CNTN4: variants seen among roughly 807,000 people sequenced by gnomAD.
CNTN4 encodes contactin 4.
Under a neutral mutation model 122.5 loss-of-function variants are expected in CNTN4, and 77 were observed. The observed-to-expected ratio is 0.63, with a 90% CI of 0.52 to 0.76. The LOEUF (loss-of-function observed/expected upper bound fraction) is 0.76. Ranked by LOEUF, CNTN4 falls within the 30% of genes least tolerant of loss-of-function variation. CNTN4 has a pLI of 0.00. For synonymous variants in CNTN4, 512 were observed against 447.0 expected, an observed-to-expected ratio of 1.15 and a Z score of -1.83; for missense variants, 1,256 against 1,259.1, an observed-to-expected ratio of 1.00 and a Z score of 0.04.
chr3:2,738,717 G>T (rs2089284282), intron 5 of CNTN4, among the ~76,000 whole-genome samples: 1 of 152,012 alleles, frequency 6.6e-6, no homozygotes, highest in South Asian at 2.1e-4. Context: ...TATGGTTAAA[G>T]AAATAAAATT....
At chr3:2,362,473 C>T (rs937890887) in intron 3 of CNTN4, 8 of 468,298 alleles carry the variant, frequency 1.7e-5, no homozygotes, top group African/African-American at 1.6e-4. Context: ...TGAGGACTAG[C>T]AGTGTCTTGT....
chr3:2,255,146 C>G (rs1033471295), intron 2 of CNTN4, among the ~76,000 whole-genome samples: 4 of 152,158 alleles, frequency 2.6e-5, no homozygotes, highest in Non-Finnish European at 5.9e-5. Context: ...GTAGGGAATC[C>G]TTTCTCCATT....
chr3:2,694,692 G>T (rs898260471), intron 4 of CNTN4, among the ~76,000 whole-genome samples: 1 of 152,140 alleles, frequency 6.6e-6, no homozygotes, highest in Non-Finnish European at 1.5e-5. Context: ...TCGTGCCACC[G>T]CACTCCAGCC....
intron 3 of CNTN4, among the ~76,000 whole-genome samples, chr3:2,497,334 G>A (rs574272900): frequency 3.4e-4 from 51 of 152,226 alleles, no homozygotes; most frequent in Admixed American, 1.3e-3. Flanking sequence ...CTGGCCCCCA[G>A]TATCTAAAAT....
Position 2,667,939 on chromosome 3 carries a change from C to T in CNTN4, c.56-68276C>T, listed in dbSNP as rs6782093. On this transcript the variant is annotated intron_variant, in intron 4 of 24. Transcript: ENST00000418658. ...TTATTTCTGAGGGCTCTGTTCTGTTCCATTGGTCTATATGTCTGTTTTGGT... is the reference window on the plus strand; with the variant it reads ...TTATTTCTGAGGGCTCTGTTCTGTTTCATTGGTCTATATGTCTGTTTTGGT... Among the ~76,000 whole-genome samples, 317 of 152,006 alleles carry T rather than the reference C, an allele frequency of 2.1e-3. 4 individuals are homozygous for T. Among genetic ancestry groups the T allele is most frequent in the African/African-American group, 7.5e-3 (311 of 41,446 alleles).
At chr3:2,605,755 C>T (rs1399817591) in intron 4 of CNTN4, among the ~76,000 whole-genome samples, 3 of 152,090 alleles carry the variant, frequency 2.0e-5, no homozygotes, top group South Asian at 4.1e-4. Flanking sequence ...TTCATTTATA[C>T]CACAAAACCA....
intron 2 of CNTN4, among the ~76,000 whole-genome samples, chr3:2,129,609 C>A (rs866801921): frequency 6.6e-6 from 1 of 151,908 alleles, no homozygotes; most frequent in Non-Finnish European, 1.5e-5. Flanking sequence ...CTGAAAAATT[C>A]ATGAAAACCA....
rs71058631 is a variant in CNTN4, at chr3:2,617,419, C to CTTTTTTTTTTTTTT, written c.55+45867_55+45880dup. Among the ~76,000 whole-genome samples the CTTTTTTTTTTTTTT allele has an allele frequency of 5.5e-5, 6 of 108,528 alleles. 1 individual carries two copies. Among genetic ancestry groups the CTTTTTTTTTTTTTT allele is most frequent in the African/African-American group, 1.8e-4 (5 of 27,558 alleles). 71.2% of individuals were successfully genotyped at this position (108,528 alleles called of 152,430 possible). ...ACATCACTGATCTTTAGAGAAATGC[C>CTTTTTTTTTTTTTT]TTTTTTTTTTTTTTTTTTTGAGACA... On this transcript the variant is annotated intron_variant, in intron 4 of 24. Coordinates refer to ENST00000418658, the MANE Select transcript of CNTN4 (RefSeq NM_175607.3).
At chr3:2,120,405 A>ATATATATATATATATATATATATATTT (rs1428527983) in intron 2 of CNTN4, among the ~76,000 whole-genome samples, 14 of 40,788 alleles carry the variant, frequency 3.4e-4, no homozygotes, top group South Asian at 9.4e-4. Flanking sequence ...ATATATATAT[A>ATATATATATATATATATATATATATTT]TTTTTTTTTT....
chr3:2,537,608 A>T (rs548587428), intron 3 of CNTN4, among the ~76,000 whole-genome samples: 1 of 152,196 alleles, frequency 6.6e-6, no homozygotes, highest in African/African-American at 2.4e-5. Context: ...GACACTTCTA[A>T]GGGAACTTGA....
At chr3:2,269,777 A>T (rs562412719) in intron 2 of CNTN4, among the ~76,000 whole-genome samples, 1 of 152,134 alleles carries the variant, frequency 6.6e-6, no homozygotes, top group African/African-American at 2.4e-5. Context: ...ATTTATAAAA[A>T]ACGATGAAAT....
chr3:2,681,607 G>A (rs1177026414), intron 4 of CNTN4, among the ~76,000 whole-genome samples: 1 of 151,312 alleles, frequency 6.6e-6, no homozygotes, highest in Non-Finnish European at 1.5e-5. Context: ...TGTATATGAT[G>A]AACTTGATAT....
intron 3 of CNTN4, among the ~76,000 whole-genome samples, chr3:2,490,653 A>G (rs1248777646): frequency 2.6e-5 from 4 of 152,202 alleles, no homozygotes; most frequent in Non-Finnish European, 5.9e-5. Context: ...TAGCTTGAAC[A>G]CTGGAATATA....
intron 3 of CNTN4, among the ~76,000 whole-genome samples, chr3:2,372,390 G>A (rs1185543054): frequency 6.6e-6 from 1 of 152,172 alleles, no homozygotes; most frequent in Non-Finnish European, 1.5e-5. Context: ...ATATAAATAT[G>A]TTTCTAATTT....
chr3:2,121,891 T>G (rs2033807656), intron 2 of CNTN4, among the ~76,000 whole-genome samples: 1 of 152,052 alleles, frequency 6.6e-6, no homozygotes, highest in Non-Finnish European at 1.5e-5. Flanking sequence ...TTAAAATTAT[T>G]TTTCTTTATC....
chr3:2,942,420 T>TA (rs2094624900), intron 13 of CNTN4, among the ~76,000 whole-genome samples: 1 of 152,218 alleles, frequency 6.6e-6, no homozygotes. Context: ...ATCGTGTTTA[T>TA]AAAATTAAAA....
At chr3:2,244,767 A>G (rs905948558) in intron 2 of CNTN4, among the ~76,000 whole-genome samples, 3 of 152,010 alleles carry the variant, frequency 2.0e-5, no homozygotes, top group African/African-American at 7.2e-5. Flanking sequence ...GTCAGGAGAG[A>G]GACAAACAAG....
At chr3:2,405,110 T>C (rs1261875440) in intron 3 of CNTN4, among the ~76,000 whole-genome samples, 1 of 152,222 alleles carries the variant, frequency 6.6e-6, no homozygotes, top group East Asian at 1.9e-4. Flanking sequence ...TGACTTGTTC[T>C]TTCCATATTT....
At chr3:2,882,852 T>C in intron 8 of CNTN4, 1 of 341,200 alleles carries the variant, frequency 2.9e-6, no homozygotes, top group South Asian at 2.7e-5. Context: ...CATCCCCTTC[T>C]CCTTTTTTTC....
Sources: allele counts gnomAD v4.1 joint callset (sites outside exome capture counted in the v4.1 genomes callset), GRCh38; gene constraint gnomAD v4.1.1; transcripts MANE v1.5; gene names NCBI Gene and HGNC (gene_info 2026-07-23, HGNC 2026-07-21).